The following MBTPS1 variants were observed in gnomAD, a reference collection of about 807,000 sequenced individuals.
MBTPS1 encodes the protein membrane-bound transcription factor site-1 protease.
In MBTPS1, 94 loss-of-function variants were observed where a neutral mutation model predicts 127.8. The ratio of observed to expected loss-of-function variants is 0.74; its 90% CI spans 0.62 to 0.87. The LOEUF is 0.87. MBTPS1 is among the 40% of genes least tolerant of loss of function. MBTPS1 has a pLI of 0.00. For synonymous variants in MBTPS1, 632 were observed against 509.4 expected, an observed-to-expected ratio of 1.24 and a Z score of -3.24; for missense variants, 1,636 against 1,353.2, an observed-to-expected ratio of 1.21 and a Z score of -3.28.
intron 1 of MBTPS1, among the ~76,000 whole-genome samples, chr16:84,115,173 C>T (rs1011157611): frequency 1.3e-5 from 2 of 152,242 alleles, no homozygotes; most frequent in East Asian, 1.9e-4. Context: ...GTGATCCGCC[C>T]GCCTCGGCCT....
chr16:84,112,795 T>C (rs1597359246), intron 1 of MBTPS1, among the ~76,000 whole-genome samples: 1 of 151,182 alleles, frequency 6.6e-6, no homozygotes, highest in African/African-American at 2.4e-5. Flanking sequence ...GCCAACATGG[T>C]GAAACCCCAT....
intron 10 of MBTPS1, chr16:84,082,206 A>T (rs1374414949): frequency 1.1e-5 from 2 of 187,374 alleles, no homozygotes; most frequent in Non-Finnish European, 2.2e-5. Flanking sequence ...GCATGAATGT[A>T]TAGGAGGTAC....
rs150029071 is a variant in MBTPS1 at position 84,091,771 on chromosome 16, G to A, written c.924C>T (p.Ile308=). The A allele has an allele frequency of 9.4e-5, 151 of 1,613,958 alleles. No individual in the cohort carries two copies. Among genetic ancestry groups the A allele is most frequent in the Non-Finnish European group, 1.2e-4 (144 of 1,179,978 alleles). ...LKKIDVLNLS[I]GGPDFMDHPF... The stretch of plus-strand genomic sequence containing the variant: ...GATGATCCATGAAGTCCGGGCCGCC[G>A]ATGCTGAGGTTTAACACGTCGATCT... The change falls in exon 7 of 23, where the codon ATC becomes ATT. Residue 308 remains isoleucine, a synonymous_variant. Transcript: ENST00000343411.
In MBTPS1 at chr16:84,066,596, T is replaced by C; in HGVS notation, c.2246A>G (p.Asp749Gly). Residue 749 changes from aspartate to glycine, a missense_variant, in exon 17 of 23, where the codon GAT becomes GGT. Asp to Gly is a moderately conservative substitution (Grantham distance 94). Transcript: ENST00000343411. ...DENTRQWWMP[D>G]TGGANIPALN... ...AGCTGGGATGTTAGCTCCTCCGGTA[T>C]CCGGCATCCACCACTGCCTGGGAAA... is the stretch of plus-strand genomic sequence containing the variant. The C allele has an allele frequency of 6.2e-7, 1 of 1,613,876 alleles. No individual in the cohort carries two copies. The highest frequency in any genetic ancestry group is 1.1e-5 in the South Asian group (1 of 91,070).
chr16:84,074,980 A>G (rs2085831520), intron 11 of MBTPS1: 2 of 326,052 alleles, frequency 6.1e-6, no homozygotes, highest in Non-Finnish European at 1.1e-5. Flanking sequence ...TGCTTTTGCA[A>G]GTCTGGAGCT....
In MBTPS1 at chr16:84,084,865, A is replaced by T. The variant is rs898267665; in HGVS notation, c.1286+118T>A. 15 of 1,004,122 alleles carry T rather than the reference A, an allele frequency of 1.5e-5. No homozygotes were observed. In the East Asian group the frequency reaches 3.7e-4, roughly 25 times the overall value. 62.2% of individuals were successfully genotyped at this position (1,004,122 alleles called of 1,614,324 possible). A position where few individuals can be genotyped will look rare whatever the true frequency, so the allele number is the denominator to read the frequency against. On this transcript the variant is annotated intron_variant, in intron 10 of 22. Coordinates refer to ENST00000343411, the MANE Select transcript of MBTPS1 (RefSeq NM_003791.4). ...AAGGAGAGACAGAGCAAGGCTGTGA[A>T]GGGCCTAAGCTCTCAAACCCAAGAC...
At chr16:84,057,615 A>T (rs1317855108) in intron 21 of MBTPS1, 1 of 152,232 alleles carries the variant, frequency 6.6e-6, no homozygotes. Context: ...TGCCCCCAGC[A>T]CTGGGCTGAC....
chr16:84,105,424 G>C (rs957931148), intron 1 of MBTPS1, among the ~76,000 whole-genome samples: 11 of 152,124 alleles, frequency 7.2e-5, no homozygotes, highest in African/African-American at 2.7e-4. Flanking sequence ...CCAGGCCACA[G>C]ATGCTGAACT....
At chr16:84,077,574 A>G (rs1237531572) in intron 11 of MBTPS1, among the ~76,000 whole-genome samples, 1 of 152,214 alleles carries the variant, frequency 6.6e-6, no homozygotes, top group African/African-American at 2.4e-5. Flanking sequence ...CTACCTCCAA[A>G]CAATACACAA....
At chr16:84,067,942 G>A in intron 15 of MBTPS1, 119 bp from the exon 16 acceptor site, 1 of 904,136 alleles carries the variant, frequency 1.1e-6, no homozygotes. Context: ...AGTCTGGTTT[G>A]TGCCACCCTG....
intron 1 of MBTPS1, among the ~76,000 whole-genome samples, chr16:84,104,375 AG>A (rs1459052527): frequency 2.0e-5 from 3 of 152,106 alleles, no homozygotes; most frequent in Non-Finnish European, 1.5e-5. Flanking sequence ...CCAGCTACTC[AG>A]GAAGATTGCT....
rs939081278 is a variant in MBTPS1 at position 84,065,842 on chromosome 16, C to G, written c.2354-75G>C. The G allele has an allele frequency of 1.1e-5, 9 of 810,828 alleles. No homozygotes were observed. The African/African-American group carries it at 1.4e-4, about 13-fold the overall frequency. 50.2% of individuals were successfully genotyped at this position (810,828 alleles called of 1,614,324 possible). A position where few individuals can be genotyped will look rare whatever the true frequency, so the allele number is the denominator to read the frequency against. ...TAATAAATAATAGCTACTCGTTTACCCAAAATACATTCTTCAGATGCTATG... is the reference window on the plus strand; with the variant it reads ...TAATAAATAATAGCTACTCGTTTACGCAAAATACATTCTTCAGATGCTATG... On this transcript the variant is annotated intron_variant, in intron 17 of 22. Coordinates refer to ENST00000343411, the MANE Select transcript of MBTPS1 (RefSeq NM_003791.4).
At chr16:84,096,213 A>C (rs2086177915) in intron 3 of MBTPS1, among the ~76,000 whole-genome samples, 1 of 152,212 alleles carries the variant, frequency 6.6e-6, no homozygotes, top group Non-Finnish European at 1.5e-5. Context: ...TTTTTACTAT[A>C]AGTTTCACTA....
chr16:84,078,933 T>C (rs147971849), intron 11 of MBTPS1, among the ~76,000 whole-genome samples: 83 of 152,294 alleles, frequency 5.4e-4, no homozygotes, highest in African/African-American at 1.9e-3. Flanking sequence ...GGAACTGACA[T>C]GGTTTGGATG....
chr16:84,097,332 T>C (rs916884931), intron 3 of MBTPS1, among the ~76,000 whole-genome samples: 2 of 152,268 alleles, frequency 1.3e-5, no homozygotes, highest in South Asian at 4.1e-4. Context: ...CATTATTTCA[T>C]GTTATCTTCA....
chr16:84,068,044 A>G (rs2085713467), intron 15 of MBTPS1, among the ~76,000 whole-genome samples: 1 of 152,262 alleles, frequency 6.6e-6, no homozygotes, highest in African/African-American at 2.4e-5. Flanking sequence ...GGTGCTCAGG[A>G]TAAAGATTTT....
At position 84,072,379 on chromosome 16, in the gene MBTPS1, T is replaced by C. The variant is rs142321966; in HGVS notation, c.1594-1603A>G. Among the ~76,000 whole-genome samples, 417 of 152,264 alleles carry C rather than the reference T, an allele frequency of 2.7e-3. 1 individual carries two copies. The highest frequency in any genetic ancestry group is 9.7e-3 in the African/African-American group (403 of 41,550). ...TAGGGAATGTTCCTGAAGGAGATGT[T>C]GGCACAGCCTTCTGAATATACTAAA... On this transcript the variant is annotated intron_variant, in intron 12 of 22. Transcript: ENST00000343411.
At chr16:84,083,347 C>G (rs973849988) in intron 10 of MBTPS1, among the ~76,000 whole-genome samples, 3 of 152,174 alleles carry the variant, frequency 2.0e-5, no homozygotes, top group Non-Finnish European at 4.4e-5. Flanking sequence ...TTCCAGCAAG[C>G]ACATGGTTAT....
In MBTPS1 at chr16:84,099,146, G is replaced by T. The variant is rs1258996466; in HGVS notation, c.328C>A (p.Gln110Lys). Residue 110 changes from glutamine to lysine, a missense_variant, in exon 3 of 23, where the codon CAG becomes AAG. By Grantham distance (53) the Gln-to-Lys change is moderately conservative (BLOSUM62 1). Coordinates refer to ENST00000343411, the MANE Select transcript of MBTPS1 (RefSeq NM_003791.4). ...DFEVIQIKEK[Q>K]KAGLLTLEDH... ...TCAAGTGTTAGCAGCCCCGCTTTCTGTTTTTCTTTTATCTGAATCACCTCA... is the reference window on the plus strand; with the variant it reads ...TCAAGTGTTAGCAGCCCCGCTTTCTTTTTTTCTTTTATCTGAATCACCTCA... The T allele has an allele frequency of 6.2e-7, 1 of 1,614,008 alleles. No homozygotes were observed. Among genetic ancestry groups the T allele is most frequent in the Non-Finnish European group, 8.5e-7 (1 of 1,180,030 alleles).
Sources: allele counts gnomAD v4.1 joint callset (sites outside exome capture counted in the v4.1 genomes callset), GRCh38; gene constraint gnomAD v4.1.1; transcripts MANE v1.5; gene names NCBI Gene and HGNC (gene_info 2026-07-23, HGNC 2026-07-21).